The following NYAP2 variants were observed in gnomAD, a reference collection of about 807,000 sequenced individuals.
NYAP2 encodes the protein neuronal tyrosine-phosphorylated phosphoinositide-3-kinase adapter 2.
NYAP2 carries 23 observed loss-of-function variants against 50.4 expected under a neutral mutation model. That is an observed-to-expected ratio of 0.46 (90% CI 0.33 to 0.65). The LOEUF (loss-of-function observed/expected upper bound fraction) is 0.65, where lower values mean the gene tolerates loss of function less well. NYAP2 is among the 30% of genes least tolerant of loss of function. The pLI is 0.02. For synonymous variants in NYAP2, 394 were observed against 365.2 expected, an observed-to-expected ratio of 1.08 and a Z score of -0.90; for missense variants, 885 against 861.0, an observed-to-expected ratio of 1.03 and a Z score of -0.35.
chr2:225,526,514 T>C (rs992873611), intron 4 of NYAP2, among the ~76,000 whole-genome samples: 2 of 152,218 alleles, frequency 1.3e-5, no homozygotes, highest in African/African-American at 4.8e-5. Context: ...GAATAGCTGC[T>C]TAGCTTTTTC....
chr2:225,502,040 CT>C (rs1232815950), intron 3 of NYAP2, among the ~76,000 whole-genome samples: 1 of 152,142 alleles, frequency 6.6e-6, no homozygotes, highest in Non-Finnish European at 1.5e-5. Flanking sequence ...GAATCCAGAC[CT>C]TAAAAGACCA....
chr2:225,632,311 C>G (rs1189038723), intron 6 of NYAP2, among the ~76,000 whole-genome samples: 1 of 152,122 alleles, frequency 6.6e-6, no homozygotes, highest in Non-Finnish European at 1.5e-5. Context: ...TACTCAACTT[C>G]CTACCTCACA....
intron 3 of NYAP2, among the ~76,000 whole-genome samples, chr2:225,474,998 C>T (rs1289774175): frequency 6.6e-6 from 1 of 152,160 alleles, no homozygotes; most frequent in Non-Finnish European, 1.5e-5. Context: ...GTTTGCATAA[C>T]ACTCCAGTTC....
chr2:225,697,146 C>T, the NYAP2 span, among the ~76,000 whole-genome samples: 9 of 151,970 alleles, frequency 5.9e-5, no homozygotes, highest in African/African-American at 1.2e-4. Flanking sequence ...GTGTGACAGA[C>T]GCAACATGCT....
rs866273651 is a variant in NYAP2 at position 225,518,491 on chromosome 2, C to T, written c.523+4819C>T. 4.1e-5 allele frequency among the ~76,000 whole-genome samples: 5 copies of T among 120,698 alleles called. No individual in the cohort carries two copies. The South Asian group carries it at 1.1e-3, about 26-fold the overall frequency. 79.2% of individuals were successfully genotyped at this position (120,698 alleles called of 152,430 possible). ...GAGCATCCTTAAGAGACTTTGAGTTCTCATTACAAAAAAAAACAGTATGTG... is the reference window on the plus strand; with the variant it reads ...GAGCATCCTTAAGAGACTTTGAGTTTTCATTACAAAAAAAAACAGTATGTG... On this transcript the variant is annotated intron_variant, in intron 4 of 6. Transcript: ENST00000636099.
rs60541469 is a variant in NYAP2, at chr2:225,446,180, C to CTCTGTCTG, written c.221+37111_221+37118dup. 2.5e-3 allele frequency among the ~76,000 whole-genome samples: 195 copies of CTCTGTCTG among 79,130 alleles called. 2 individuals carry two copies. Among genetic ancestry groups the CTCTGTCTG allele is most frequent in the African/African-American group, 3.1e-3 (79 of 25,652 alleles). 51.9% of individuals were successfully genotyped at this position (79,130 alleles called of 152,430 possible). On this transcript the variant is annotated intron_variant, in intron 3 of 6. Transcript: ENST00000636099. ...TGGGCAACAGACTGAGACTCCATCTCTCTGTCTGTCTGTCTGTCTGTCTGT... is the reference window on the plus strand; with the variant it reads ...TGGGCAACAGACTGAGACTCCATCTCTCTGTCTGTCTGTCTGTCTGTCTGTCTGTCTGT...
intron 4 of NYAP2, among the ~76,000 whole-genome samples, chr2:225,521,345 T>G (rs986541911): frequency 1.8e-4 from 28 of 151,614 alleles, no homozygotes; most frequent in Admixed American, 3.9e-4. Context: ...CATCCCTGTC[T>G]TGTGCCAGTT....
intron 4 of NYAP2, among the ~76,000 whole-genome samples, chr2:225,565,683 T>C (rs1005179469): frequency 6.6e-6 from 1 of 152,186 alleles, no homozygotes; most frequent in South Asian, 2.1e-4. Context: ...GCCCTTCCTA[T>C]ATCCCAGGCA....
At chr2:225,477,958 A>T (rs999971830) in intron 3 of NYAP2, among the ~76,000 whole-genome samples, 39 of 152,186 alleles carry the variant, frequency 2.6e-4, no homozygotes, top group Non-Finnish European at 4.6e-4. Flanking sequence ...GTATTAAAAG[A>T]AGTGTTCAAG....
chr2:225,695,154 A>G, the NYAP2 span, among the ~76,000 whole-genome samples: 195 of 151,948 alleles, frequency 1.3e-3, 1 homozygote, highest in African/African-American at 3.8e-3. Flanking sequence ...CACAAAATAC[A>G]TATTTTATGG....
chr2:225,400,474 A>G (rs1381336978), intron 1 of NYAP2, 87 bp from the exon 2 acceptor site: 2 of 152,062 alleles, frequency 1.3e-5, no homozygotes, highest in African/African-American at 2.4e-5. Flanking sequence ...GTAAGTGGCA[A>G]TGAGAAAGAG....
rs566691196 is a variant in NYAP2, at chr2:225,526,729, A to G, written c.523+13057A>G. Among the ~76,000 whole-genome samples the G allele has an allele frequency of 1.2e-4, 19 of 152,352 alleles. No homozygotes were observed. In the South Asian group the frequency reaches 3.7e-3, roughly 30 times the overall value. On this transcript the variant is annotated intron_variant, in intron 4 of 6. Coordinates refer to ENST00000636099, the Ensembl canonical transcript of NYAP2. ...CCTAGAAGTGCTCAAAACACTGCTT[A>G]GCACTATACTAATAAAGCACAAAGA...
At chr2:225,479,258 C>T (rs1260884956) in intron 3 of NYAP2, among the ~76,000 whole-genome samples, 3 of 152,030 alleles carry the variant, frequency 2.0e-5, no homozygotes, top group Admixed American at 2.0e-4. Context: ...CAAATCCATC[C>T]CTTTGAATTT....
At chr2:225,695,146 C>T in the NYAP2 span, among the ~76,000 whole-genome samples, 56 of 151,572 alleles carry the variant, frequency 3.7e-4, no homozygotes, top group African/African-American at 1.3e-3. Flanking sequence ...CTGCTTGACA[C>T]AAAATACATA....
intron 3 of NYAP2, among the ~76,000 whole-genome samples, chr2:225,416,787 G>A (rs982212288): frequency 6.6e-6 from 1 of 152,090 alleles, no homozygotes; most frequent in African/African-American, 2.4e-5. Flanking sequence ...TTCTATATCT[G>A]AAATAAATAG....
chr2:225,454,300 C>A (rs1689701280), intron 3 of NYAP2, among the ~76,000 whole-genome samples: 1 of 152,148 alleles, frequency 6.6e-6, no homozygotes, highest in Non-Finnish European at 1.5e-5. Flanking sequence ...CACTGCACTC[C>A]AGCCTGGGTG....
At chr2:225,655,442 T>C (rs965329484), downstream of NYAP2, among the ~76,000 whole-genome samples, 3 of 152,196 alleles carry the variant, frequency 2.0e-5, no homozygotes, top group African/African-American at 7.2e-5. Flanking sequence ...GACTGAATTT[T>C]TGTGCCTACC....
At chr2:225,518,713 A>T (rs1026058349) in intron 4 of NYAP2, among the ~76,000 whole-genome samples, 4 of 149,434 alleles carry the variant, frequency 2.7e-5, no homozygotes, top group Admixed American at 2.0e-4. Context: ...AATATACACA[A>T]TTTTTGCCAA....
the NYAP2 span, among the ~76,000 whole-genome samples, chr2:225,661,289 T>C: frequency 2.0e-5 from 3 of 152,196 alleles, no homozygotes; most frequent in East Asian, 5.8e-4. Flanking sequence ...ATAATAAATA[T>C]GTCTTTGCCA....
Sources: gnomAD v4.1 joint callset for allele counts (sites outside exome capture counted in the v4.1 genomes callset) on GRCh38, gnomAD v4.1.1 for gene constraint, MANE v1.5 for transcripts, NCBI Gene and HGNC (gene_info 2026-07-23, HGNC 2026-07-21) for gene names.